Variants in GHR observed in about 807,000 individuals in gnomAD.
GHR encodes growth hormone receptor.
In GHR, 35 loss-of-function variants were observed where a neutral mutation model predicts 67.1. The ratio of observed to expected loss-of-function variants is 0.52; its 90% CI spans 0.40 to 0.69. The LOEUF (loss-of-function observed/expected upper bound fraction) is 0.69, where lower values mean the gene tolerates loss of function less well. Ranked by LOEUF, GHR falls within the 30% of genes least tolerant of loss-of-function variation. The pLI, the probability that GHR is intolerant of heterozygous loss-of-function variation, is 0.00. For synonymous variants in GHR, 272 were observed against 269.1 expected, an observed-to-expected ratio of 1.01 and a Z score of -0.10; for missense variants, 792 against 764.6, an observed-to-expected ratio of 1.04 and a Z score of -0.42.
At chr5:42,572,597 T>A (rs1750390657) in intron 2 of GHR, among the ~76,000 whole-genome samples, 1 of 152,208 alleles carries the variant, frequency 6.6e-6, no homozygotes, top group South Asian at 2.1e-4. Flanking sequence ...TTAGAGCACT[T>A]CTTCAGCCTC....
At chr5:42,446,787 T>G (rs371914770) in intron 1 of GHR, among the ~76,000 whole-genome samples, 3 of 152,348 alleles carry the variant, frequency 2.0e-5, no homozygotes, top group African/African-American at 7.2e-5. Context: ...AACACAACAC[T>G]GTATTCCACT....
intron 2 of GHR, among the ~76,000 whole-genome samples, chr5:42,626,559 G>C (rs28551699): frequency 0.33 from 50,102 of 151,844 alleles, 9,286 homozygotes; most frequent in African/African-American, 0.51. Flanking sequence ...AATTAACCTT[G>C]AGTCCCTCTC....
intron 1 of GHR, among the ~76,000 whole-genome samples, chr5:42,523,838 C>A (rs1747582476): frequency 6.6e-6 from 1 of 152,130 alleles, no homozygotes; most frequent in East Asian, 1.9e-4. Flanking sequence ...CTTTCCCATG[C>A]TATTCTCATG....
At chr5:42,582,314 G>C (rs1284753134) in intron 2 of GHR, among the ~76,000 whole-genome samples, 1 of 152,200 alleles carries the variant, frequency 6.6e-6, no homozygotes, top group Admixed American at 6.5e-5. Context: ...TCCTTGGCTG[G>C]GAGTGAGAAC....
At chr5:42,497,466 C>T (rs1441351324) in intron 1 of GHR, among the ~76,000 whole-genome samples, 1 of 152,110 alleles carries the variant, frequency 6.6e-6, no homozygotes, top group East Asian at 1.9e-4. Flanking sequence ...CCAAGTGTTT[C>T]TTGTTCAGTT....
At chr5:42,581,882 C>T (rs1282658655) in intron 2 of GHR, among the ~76,000 whole-genome samples, 1 of 152,220 alleles carries the variant, frequency 6.6e-6, no homozygotes, top group Non-Finnish European at 1.5e-5. Flanking sequence ...AGGAAGCACC[C>T]CCTGCTCCTG....
intron 1 of GHR, among the ~76,000 whole-genome samples, chr5:42,456,585 T>C (rs1744271666): frequency 1.3e-5 from 2 of 152,240 alleles, no homozygotes; most frequent in Non-Finnish European, 2.9e-5. Flanking sequence ...GTTGGGCTTA[T>C]GTTTCTGAGT....
intron 1 of GHR, among the ~76,000 whole-genome samples, chr5:42,505,122 G>GTTTTTTTTTTTTTTTTT (rs35690685): frequency 7.4e-6 from 1 of 134,900 alleles, no homozygotes; most frequent in African/African-American, 2.7e-5. Flanking sequence ...GCTGTTGACT[G>GTTTTTTTTTTTTTTTTT]TTTTTTTTTT....
chr5:42,549,446 G>T (rs1028478412), intron 1 of GHR: 3 of 152,320 alleles, frequency 2.0e-5, no homozygotes, highest in Admixed American at 6.5e-5. Flanking sequence ...CTGTAATAAG[G>T]GTTTATTAAG....
At chr5:42,652,766 T>C (rs1755071988) in intron 3 of GHR, among the ~76,000 whole-genome samples, 1 of 152,188 alleles carries the variant, frequency 6.6e-6, no homozygotes, top group Admixed American at 6.6e-5. Flanking sequence ...CTTTAACAGA[T>C]AAAGAGACTG....
chr5:42,576,099 T>TAAAATAAATA (rs11400007), intron 2 of GHR, among the ~76,000 whole-genome samples: 2,654 of 67,222 alleles, frequency 0.039, 64 homozygotes, highest in Admixed American at 0.071. Flanking sequence ...TAAAATAAAA[T>TAAAATAAATA]AAATAAAATA....
intron 2 of GHR, among the ~76,000 whole-genome samples, chr5:42,625,082 T>C (rs1753633850): frequency 1.3e-5 from 2 of 152,140 alleles, no homozygotes. Flanking sequence ...AGAAACACTT[T>C]CACAGCTGAA....
intron 2 of GHR, among the ~76,000 whole-genome samples, chr5:42,615,921 T>C (rs1043667076): frequency 2.0e-5 from 3 of 152,086 alleles, no homozygotes; most frequent in Non-Finnish European, 4.4e-5. Flanking sequence ...GAAATAAGTA[T>C]TACAAATGGT....
At chr5:42,691,583 T>G (rs1359401206) in intron 4 of GHR, among the ~76,000 whole-genome samples, 1 of 152,218 alleles carries the variant, frequency 6.6e-6, no homozygotes, top group African/African-American at 2.4e-5. Flanking sequence ...GACACATAAA[T>G]AAAACTCTGA....
intron 1 of GHR, among the ~76,000 whole-genome samples, chr5:42,480,941 T>C (rs532937602): frequency 1.0e-3 from 159 of 152,360 alleles, no homozygotes; most frequent in African/African-American, 3.7e-3. Context: ...TGATGTCAGC[T>C]GGTTATTTTG....
intron 1 of GHR, among the ~76,000 whole-genome samples, chr5:42,504,936 CT>C (rs1746696542): frequency 6.6e-6 from 1 of 152,176 alleles, no homozygotes; most frequent in Non-Finnish European, 1.5e-5. Context: ...GAGGCATCAG[CT>C]AGCCCTATTA....
At chr5:42,611,474 G>A (rs1170162735) in intron 2 of GHR, among the ~76,000 whole-genome samples, 2 of 152,064 alleles carry the variant, frequency 1.3e-5, no homozygotes, top group African/African-American at 2.4e-5. Flanking sequence ...TTCAACTAAG[G>A]TTAATTAATC....
intron 1 of GHR, among the ~76,000 whole-genome samples, chr5:42,526,563 GA>G (rs1310206172): frequency 6.6e-6 from 1 of 152,152 alleles, no homozygotes; most frequent in East Asian, 1.9e-4. Context: ...GAAGATCTAA[GA>G]CTTTCATAGT....
chr5:42,468,826 G>A (rs1697785405), intron 1 of GHR: 4 of 1,012,598 alleles, frequency 4.0e-6, no homozygotes, highest in Non-Finnish European at 4.4e-6. Context: ...GAATCGGTTG[G>A]TGACCAGGCA....
Sources: gnomAD v4.1 joint callset for allele counts (sites outside exome capture counted in the v4.1 genomes callset) on GRCh38, gnomAD v4.1.1 for gene constraint, MANE v1.5 for transcripts, NCBI Gene and HGNC (gene_info 2026-07-23, HGNC 2026-07-21) for gene names.